The following IL31RA variants were observed in gnomAD, a reference collection of about 807,000 sequenced individuals.
IL31RA encodes the protein interleukin 31 receptor A.
IL31RA carries 66 observed loss-of-function variants against 83.7 expected under a neutral mutation model. The ratio of observed to expected loss-of-function variants is 0.79; its 90% CI spans 0.65 to 0.97. IL31RA has a LOEUF of 0.97. IL31RA is among the 50% of genes least tolerant of loss of function. IL31RA has a pLI of 0.00. For synonymous variants in IL31RA, 325 were observed against 329.0 expected, an observed-to-expected ratio of 0.99 and a Z score of 0.13; for missense variants, 798 against 919.4, an observed-to-expected ratio of 0.87 and a Z score of 1.71.
rs1554020967 is a variant in IL31RA at position 55,922,061 on chromosome 5, G to GC, written c.*4941_*4942insC. ...TGCACTCTTATGTTGTGGCGGGGGG[G>GC]GGGGGCGGTTCCTGAAGAGTGGAGT... On this transcript the variant is annotated 3_prime_UTR_variant, in exon 15 of 15. Coordinates refer to ENST00000652347, the MANE Select transcript of IL31RA (RefSeq NM_139017.7). Among the ~76,000 whole-genome samples, 2 of 133,710 alleles carry GC rather than the reference G, an allele frequency of 1.5e-5. 1 individual carries two copies. Among genetic ancestry groups the GC allele is most frequent in the East Asian group, 4.0e-4 (2 of 5,058 alleles). 87.7% of individuals were successfully genotyped at this position (133,710 alleles called of 152,430 possible).
chr5:55,893,958 T>G (rs556449795), intron 6 of IL31RA, among the ~76,000 whole-genome samples: 74 of 152,060 alleles, frequency 4.9e-4, no homozygotes, highest in Non-Finnish European at 9.0e-4. Flanking sequence ...ACTACAGGTG[T>G]GTGCCACCAT....
chr5:55,893,572 A>T (rs1385470960), intron 6 of IL31RA, among the ~76,000 whole-genome samples: 2 of 152,258 alleles, frequency 1.3e-5, no homozygotes, highest in East Asian at 3.9e-4. Context: ...TTAAACTGAA[A>T]ATCCATGATC....
Position 55,916,870 on chromosome 5 carries a change from T to C in IL31RA, c.2045T>C (p.Leu682Pro). ...TGCCCCTTCAGGCCTGATTGTCCCC[T>C]GGGGAAAAGTTTTGAGGAGCTCCCA... ...VTCPFRPDCP[L>P]GKSFEELPVS... The change falls in exon 15 of 15, where the codon CTG becomes CCG. Residue 682 changes from leucine to proline, a missense_variant. By Grantham distance (98) the Leu-to-Pro change is moderately conservative. Coordinates refer to ENST00000652347, the MANE Select transcript of IL31RA (RefSeq NM_139017.7). The C allele has an allele frequency of 6.2e-7, 1 of 1,614,160 alleles. No individual in the cohort carries two copies. Among genetic ancestry groups the C allele is most frequent in the Non-Finnish European group, 8.5e-7 (1 of 1,180,030 alleles).
At chr5:55,880,043 T>C (rs1391691657) in intron 4 of IL31RA, among the ~76,000 whole-genome samples, 1 of 152,280 alleles carries the variant, frequency 6.6e-6, no homozygotes, top group East Asian at 1.9e-4. Flanking sequence ...ATTTTCCCTT[T>C]TCCAATACCA....
At position 55,916,992 on chromosome 5, in the gene IL31RA, G is replaced by T; in HGVS notation, c.2167G>T (p.Gly723Cys). The change falls in exon 15 of 15, where the codon GGT becomes TGT. Residue 723 changes from glycine (G) to cysteine (C), a missense_variant. Coordinates refer to ENST00000652347, the MANE Select transcript of IL31RA (RefSeq NM_139017.7). ...PEAKEQLLFS[G>C]QSLVPDHLCE... The stretch of plus-strand genomic sequence containing the variant: ...AGCCAAAGAGCAGCTTCTCTTTTCT[G>T]GTCAAAGTTTAGTACCAGATCATCT... 6.2e-7 allele frequency: 1 copy of T among 1,614,114 alleles called. No homozygotes were observed. Among genetic ancestry groups the T allele is most frequent in the Non-Finnish European group, 8.5e-7 (1 of 1,180,014 alleles).
intron 4 of IL31RA, 114 bp from the exon 5 acceptor site, chr5:55,882,930 G>T (rs567688225): frequency 3.1e-6 from 3 of 970,346 alleles, no homozygotes; most frequent in Admixed American, 1.8e-5. Context: ...TGCCATCTTC[G>T]TTCCATATAG....
In IL31RA at chr5:55,851,598, AC is replaced by A; in HGVS notation, c.30del (p.Thr11ArgfsTer23). On this transcript the variant is annotated frameshift_variant, in exon 1 of 15. Transcript: ENST00000652347. LOFTEE classifies it high-confidence loss of function. ...GTGCATCAGGCAACTCAAGTTTTTC[AC>A]CACGGCATGTGTCTGTGAATGTCCG... MCIRQLKFF[T>X]TACVCECPQN... 1 of 1,613,970 alleles carries A rather than the reference AC, an allele frequency of 6.2e-7. No individual in the cohort carries two copies. Among genetic ancestry groups the A allele is most frequent in the Non-Finnish European group, 8.5e-7 (1 of 1,179,888 alleles).
chr5:55,914,470 A>T (rs1005818189), intron 13 of IL31RA, among the ~76,000 whole-genome samples: 2 of 152,212 alleles, frequency 1.3e-5, no homozygotes, highest in Non-Finnish European at 2.9e-5. Context: ...GAACCATTGC[A>T]GGAAAGTATG....
At chr5:55,907,236 A>G (rs1749208578) in intron 9 of IL31RA, 123 bp from the exon 10 acceptor site, 1 of 686,826 alleles carries the variant, frequency 1.5e-6, no homozygotes, top group East Asian at 2.7e-5. Flanking sequence ...TTTATTTTCC[A>G]GAGGTGGAAA....
intron 2 of IL31RA, among the ~76,000 whole-genome samples, chr5:55,865,746 G>A (rs549293896): frequency 6.6e-6 from 1 of 152,318 alleles, no homozygotes; most frequent in African/African-American, 2.4e-5. Context: ...GGGTGAGAAA[G>A]AGGAGGGTGT....
rs1032622422 is a variant in IL31RA at position 55,920,116 on chromosome 5, T to C, written c.*2996T>C. On this transcript the variant is annotated 3_prime_UTR_variant, in exon 15 of 15. Transcript: ENST00000652347. The stretch of plus-strand genomic sequence containing the variant: ...AAGACCACAAGTTCCTTCTGGTGTC[T>C]TGGGAGGCAGCGGTGTGAAAACACC... 2.0e-5 allele frequency among the ~76,000 whole-genome samples: 3 copies of C among 152,226 alleles called. No homozygotes were observed. Among genetic ancestry groups the C allele is most frequent in the Admixed American group, 6.5e-5 (1 of 15,282 alleles).
At chr5:55,853,977 G>C (rs929223835) in intron 1 of IL31RA, among the ~76,000 whole-genome samples, 2 of 152,194 alleles carry the variant, frequency 1.3e-5, no homozygotes, top group Non-Finnish European at 2.9e-5. Flanking sequence ...GAATAAGACA[G>C]TCGTGAGTTT....
chr5:55,913,428 C>A, intron 12 of IL31RA, 49 bp from the exon 13 acceptor site: 3 of 1,159,848 alleles, frequency 2.6e-6, no homozygotes, highest in South Asian at 1.2e-5. Context: ...TGATTTTTGT[C>A]AAGAAGGTGA....
rs760531207 is a variant in IL31RA at position 55,868,754 on chromosome 5, T to G, written c.155-37T>G. The G allele has an allele frequency of 1.2e-5, 13 of 1,126,904 alleles. No individual in the cohort carries two copies. The African/African-American group carries it at 1.7e-4, about 15-fold the overall frequency. The allele number at this position is 1,126,904 out of a possible 1,614,324, so 69.8% of individuals were successfully genotyped here. ...GGCAATATTTATTGTGTACTGAAAT[T>G]TTTGTGTTTGTGTGTGTGTGTGTTT... On this transcript the variant is annotated intron_variant, in intron 2 of 14. Coordinates refer to ENST00000652347, the MANE Select transcript of IL31RA (RefSeq NM_139017.7).
chr5:55,905,263 G>C lies in IL31RA; in HGVS notation c.1070-843G>C, dbSNP rs10043068. On this transcript the variant is annotated intron_variant, in intron 8 of 14. Coordinates refer to ENST00000652347, the MANE Select transcript of IL31RA (RefSeq NM_139017.7). Reference sequence around the variant, plus strand: ...AAAGAAACGCTTTTCCCATGGATTCGAGTTTTGCAGGTTGAGGAGTGCAAC... The same window carrying C: ...AAAGAAACGCTTTTCCCATGGATTCCAGTTTTGCAGGTTGAGGAGTGCAAC... 2.6e-5 allele frequency among the ~76,000 whole-genome samples: 4 copies of C among 151,910 alleles called. No homozygotes were observed. The East Asian group carries it at 7.7e-4, about 29-fold the overall frequency.
intron 8 of IL31RA, 98 bp from the exon 9 acceptor site, chr5:55,906,008 C>A (rs1749125330): frequency 1.6e-6 from 2 of 1,267,318 alleles, no homozygotes; most frequent in Non-Finnish European, 2.3e-6. Flanking sequence ...TGAACTTTGG[C>A]CTTGTTTTAC....
chr5:55,907,770 C>T (rs1398949908), intron 10 of IL31RA, among the ~76,000 whole-genome samples: 1 of 152,170 alleles, frequency 6.6e-6, no homozygotes, highest in Admixed American at 6.5e-5. Flanking sequence ...GAATTAAGAC[C>T]ACATCAGGGA....
Position 55,917,399 on chromosome 5 carries a change from C to A in IL31RA, c.*279C>A. 1 of 1,185,142 alleles carries A rather than the reference C, an allele frequency of 8.4e-7. No individual in the cohort carries two copies. The highest frequency in any genetic ancestry group is 1.1e-6 in the Non-Finnish European group (1 of 917,940). The allele number at this position is 1,185,142 out of a possible 1,614,324, so 73.4% of individuals were successfully genotyped here. A position where few individuals can be genotyped will look rare whatever the true frequency, so the allele number is the denominator to read the frequency against. ...TCACCGAGGCCTCCTGACAGATTGA[C>A]TTTGAAGGAAGGGCCCAGGTTCTGA... is the stretch of plus-strand genomic sequence containing the variant. On this transcript the variant is annotated 3_prime_UTR_variant, in exon 15 of 15. Transcript: ENST00000652347.
chr5:55,882,358 A>G (rs765759484), intron 4 of IL31RA, among the ~76,000 whole-genome samples: 7 of 152,266 alleles, frequency 4.6e-5, no homozygotes, highest in Non-Finnish European at 1.0e-4. Flanking sequence ...TGCTGATTGC[A>G]TAATGTTATT....
Sources: allele counts gnomAD v4.1 joint callset (sites outside exome capture counted in the v4.1 genomes callset), GRCh38; gene constraint gnomAD v4.1.1; transcripts MANE v1.5; gene names NCBI Gene and HGNC (gene_info 2026-07-23, HGNC 2026-07-21).